The following C5AR2 variants were observed in gnomAD, a reference collection of about 807,000 sequenced individuals.
C5AR2 encodes C5a anaphylatoxin chemotactic receptor 2.
For missense variants in C5AR2, 458 were observed against 467.5 expected, an observed-to-expected ratio of 0.98 and a Z score of 0.19; for synonymous variants, 224 against 216.5, an observed-to-expected ratio of 1.03 and a Z score of -0.30.
Position 47,341,158 on chromosome 19 carries a change from C to T in C5AR2, c.359C>T (p.Ala120Val). Reference protein sequence around the residue: ...LPSIILLTMYASVLLLAALSA... With the variant: ...LPSIILLTMYVSVLLLAALSA... ...TCCATCATCCTGCTGACCATGTATG[C>T]CAGCGTCCTGCTCCTGGCAGCTCTC... is the stretch of plus-strand genomic sequence containing the variant. The change falls in exon 2 of 2, where the codon GCC becomes GTC. Residue 120 changes from alanine (A) to valine (V), a missense_variant. Coordinates refer to ENST00000595464, the MANE Select transcript of C5AR2 (RefSeq NM_001271749.2). This position sits in a 1 kb window ranked among gnomAD's most constrained non-coding sequence, Gnocchi z 4.6. 3.1e-6 allele frequency: 5 copies of T among 1,601,240 alleles called. No individual in the cohort carries two copies. The highest frequency in any genetic ancestry group is 1.3e-5 in the African/African-American group (1 of 75,052).
Position 47,340,803 on chromosome 19 carries a change from G to C in C5AR2, c.4G>C (p.Gly2Arg), listed in dbSNP as rs1254475931. The C allele has an allele frequency of 5.0e-6, 8 of 1,613,326 alleles. No individual in the cohort carries two copies. The highest frequency in any genetic ancestry group is 5.9e-6 in the Non-Finnish European group (7 of 1,179,938). Reference protein sequence around the residue: MGNDSVSYEYGD... With the variant: MRNDSVSYEYGD... The stretch of plus-strand genomic sequence containing the variant: ...TGCCCAGACACCAGGAGCCTGAATG[G>C]GGAACGATTCTGTCAGCTACGAGTA... Residue 2 changes from glycine to arginine, a missense_variant, in exon 2 of 2, where the codon GGG becomes CGG. By Grantham distance (125) the Gly-to-Arg change is moderately radical. Transcript: ENST00000595464.
At chr19:47,335,930 C>T (rs1014517548) in intron 1 of C5AR2, among the ~76,000 whole-genome samples, 1 of 151,678 alleles carries the variant, frequency 6.6e-6, no homozygotes, top group Non-Finnish European at 1.5e-5. Context: ...TGAAAACCAG[C>T]GCTATACACT....
chr19:47,338,059 A>G (rs1222432534), intron 1 of C5AR2, among the ~76,000 whole-genome samples: 3 of 151,760 alleles, frequency 2.0e-5, no homozygotes, highest in Admixed American at 2.0e-4. Flanking sequence ...TGGGTAGCAG[A>G]GTGAGACTCC....
In C5AR2 at chr19:47,340,989, G is replaced by A. The variant is rs1468416197; in HGVS notation, c.190G>A (p.Ala64Thr). The change falls in exon 2 of 2, where the codon GCC (alanine) becomes ACC (threonine). Residue 64 changes from alanine to threonine, a missense_variant. Physicochemically the swap from Ala to Thr is moderately conservative, Grantham distance 58. Coordinates refer to ENST00000595464, the MANE Select transcript of C5AR2 (RefSeq NM_001271749.2). ...AMVAWVAGKV[A>T]RRRVGATWLL... ...GGTGGCCTGGGTGGCTGGGAAGGTGGCCCGCCGGAGGGTGGGTGCCACCTG... is the reference window on the plus strand; with the variant it reads ...GGTGGCCTGGGTGGCTGGGAAGGTGACCCGCCGGAGGGTGGGTGCCACCTG... 1.2e-6 allele frequency: 2 copies of A among 1,610,202 alleles called. No homozygotes were observed. The highest frequency in any genetic ancestry group is 1.6e-4 in the Middle Eastern group (1 of 6,062).
rs1385270295 is a variant in C5AR2, at chr19:47,345,536, T to G, written c.*3723T>G. 3 of 150,928 alleles carry G rather than the reference T, an allele frequency of 2.0e-5. No homozygotes were observed. The highest frequency in any genetic ancestry group is 4.4e-5 in the Non-Finnish European group (3 of 67,686). 9.3% of individuals were successfully genotyped at this position (150,928 alleles called of 1,614,324 possible). ...TGTGCCACCAAACCCAGCTAATGTT[T>G]TTTTTTTTTTATTTTTAGTAGAGAC... On this transcript the variant is annotated 3_prime_UTR_variant, in exon 2 of 2. Transcript: ENST00000595464.
At chr19:47,333,794 T>C (rs7254428) in intron 1 of C5AR2, among the ~76,000 whole-genome samples, 148,577 of 151,572 alleles carry the variant, frequency 0.98, 72,841 homozygotes, top group East Asian at 1. Context: ...TTAGCCAGGA[T>C]GGTCTCGATC....
chr19:47,335,803 G>GAAAAA (rs771239089), intron 1 of C5AR2, among the ~76,000 whole-genome samples: 1 of 105,406 alleles, frequency 9.5e-6, no homozygotes, highest in African/African-American at 3.9e-5. Context: ...AAAAAAAAAA[G>GAAAAA]AAAGTTTTCG....
chr19:47,334,406 G>A (rs1278530817), intron 1 of C5AR2, among the ~76,000 whole-genome samples: 1 of 151,172 alleles, frequency 6.6e-6, no homozygotes, highest in Non-Finnish European at 1.5e-5. Context: ...TGAGGTGGGA[G>A]GATTTCTTGA....
At position 47,342,072 on chromosome 19, in the gene C5AR2, G is replaced by C. The variant is rs1969048407; in HGVS notation, c.*259G>C. On this transcript the variant is annotated 3_prime_UTR_variant, in exon 2 of 2. Transcript: ENST00000595464. ...GACAGACTATAAACAAAGATATATAGGGCCATTTGCGGTGGCTCACGCCTG... is the reference window on the plus strand; with the variant it reads ...GACAGACTATAAACAAAGATATATACGGCCATTTGCGGTGGCTCACGCCTG... 3 of 440,538 alleles carry C rather than the reference G, an allele frequency of 6.8e-6. No homozygotes were observed. Among genetic ancestry groups the C allele is most frequent in the Non-Finnish European group, 8.4e-6 (2 of 236,982 alleles). The allele number at this position is 440,538 out of a possible 1,614,324, so 27.3% of individuals were successfully genotyped here.
At chr19:47,336,436 C>G (rs750352081) in intron 1 of C5AR2, among the ~76,000 whole-genome samples, 1 of 124,496 alleles carries the variant, frequency 8.0e-6, no homozygotes, top group South Asian at 2.7e-4. Context: ...TTCTTTCTTT[C>G]CTTCCTTCCT....
intron 1 of C5AR2, among the ~76,000 whole-genome samples, chr19:47,333,366 G>A (rs2059346422): frequency 6.6e-6 from 1 of 152,104 alleles, no homozygotes; most frequent in South Asian, 2.1e-4. Flanking sequence ...CATTCTCATC[G>A]TGTAGAATAT....
chr19:47,338,091 A>T (rs2059365457), intron 1 of C5AR2, among the ~76,000 whole-genome samples: 1 of 151,658 alleles, frequency 6.6e-6, no homozygotes, highest in South Asian at 2.1e-4. Flanking sequence ...AAAAATAAAT[A>T]AAATAAAATA....
chr19:47,332,955 C>A (rs2059344971), intron 1 of C5AR2, among the ~76,000 whole-genome samples: 1 of 152,156 alleles, frequency 6.6e-6, no homozygotes, highest in Non-Finnish European at 1.5e-5. Flanking sequence ...GCATGTGTAG[C>A]AAGCAAGCCC....
At position 47,341,558 on chromosome 19, in the gene C5AR2, G is replaced by C. The variant is rs1413506829; in HGVS notation, c.759G>C (p.Gly253=). 1 of 1,613,424 alleles carries C rather than the reference G, an allele frequency of 6.2e-7. No individual in the cohort carries two copies. Among genetic ancestry groups the C allele is most frequent in the South Asian group, 1.1e-5 (1 of 91,058 alleles). Residue 253 remains glycine, a synonymous_variant, in exon 2 of 2, where the codon GGG becomes GGC. Coordinates refer to ENST00000595464, the MANE Select transcript of C5AR2 (RefSeq NM_001271749.2). This position sits in a 1 kb window ranked among gnomAD's most constrained non-coding sequence, Gnocchi z 4.6. ...GCTGGGCACCCTACCACCTGCTGGG[G>C]CTGGTGCTCACTGTGGCGGCCCCGA... The part of the protein sequence containing the change: ...FVCWAPYHLL[G]LVLTVAAPNS...
Position 47,341,862 on chromosome 19 carries a change from C to T in C5AR2, c.*49C>T, listed in dbSNP as rs759851708. 8 of 1,550,624 alleles carry T rather than the reference C, an allele frequency of 5.2e-6. No individual in the cohort carries two copies. Among genetic ancestry groups the T allele is most frequent in the Middle Eastern group, 1.8e-4 (1 of 5,616 alleles). Reference sequence around the variant, plus strand: ...TATCTTCTTATCTCATTTCACAAGACTGGCTTCAGGCATAGCTGGATCCAG... The same window carrying T: ...TATCTTCTTATCTCATTTCACAAGATTGGCTTCAGGCATAGCTGGATCCAG... On this transcript the variant is annotated 3_prime_UTR_variant, in exon 2 of 2. Coordinates refer to ENST00000595464, the MANE Select transcript of C5AR2 (RefSeq NM_001271749.2). The surrounding 1 kb of genome is among the most constrained non-coding windows in gnomAD (Gnocchi z 4.6).
rs901125903 is a variant in C5AR2 at position 47,343,664 on chromosome 19, G to A, written c.*1851G>A. 3.3e-5 allele frequency: 5 copies of A among 151,632 alleles called. No individual in the cohort carries two copies. Among genetic ancestry groups the A allele is most frequent in the Non-Finnish European group, 7.4e-5 (5 of 67,896 alleles). 9.4% of individuals were successfully genotyped at this position (151,632 alleles called of 1,614,324 possible). ...CTACAAAAAATACAAAAATTAGCCAGACGTGGTGGGGCGTGCCTGTAGTTC... is the reference window on the plus strand; with the variant it reads ...CTACAAAAAATACAAAAATTAGCCAAACGTGGTGGGGCGTGCCTGTAGTTC... On this transcript the variant is annotated 3_prime_UTR_variant, in exon 2 of 2. Coordinates refer to ENST00000595464, the MANE Select transcript of C5AR2 (RefSeq NM_001271749.2).
At chr19:47,339,300 ATTTGT>A (rs1007192286) in intron 1 of C5AR2, among the ~76,000 whole-genome samples, 19 of 151,186 alleles carry the variant, frequency 1.3e-4, no homozygotes, top group East Asian at 9.8e-4. Context: ...ACTGTTTTTC[ATTTGT>A]TTTGTTTTGT....
At chr19:47,337,530 C>T (rs973362154) in intron 1 of C5AR2, among the ~76,000 whole-genome samples, 2 of 151,910 alleles carry the variant, frequency 1.3e-5, no homozygotes, top group East Asian at 1.9e-4. Context: ...GGCATGGTGG[C>T]GGGTGCCTGT....
chr19:47,333,596 T>C (rs541378092), intron 1 of C5AR2, among the ~76,000 whole-genome samples: 2 of 149,974 alleles, frequency 1.3e-5, no homozygotes, highest in South Asian at 4.3e-4. Flanking sequence ...TTTTTTTTTT[T>C]TTTTTTTTGA....
Sources: gnomAD v4.1 joint callset for allele counts (sites outside exome capture counted in the v4.1 genomes callset) on GRCh38, gnomAD v4.1.1 for gene constraint, Gnocchi (gnomAD v3.1) non-coding constraint, MANE v1.5 for transcripts, NCBI Gene and HGNC (gene_info 2026-07-23, HGNC 2026-07-21) for gene names.